RBMS1: variants seen among roughly 807,000 people sequenced by gnomAD.
The protein encoded by RBMS1 is RNA-binding motif, single-stranded-interacting protein 1.
RBMS1 carries 17 observed loss-of-function variants against 62.3 expected under a neutral mutation model. The ratio of observed to expected loss-of-function variants is 0.27; its 90% CI spans 0.19 to 0.41. The LOEUF (loss-of-function observed/expected upper bound fraction) is 0.41, where lower values mean the gene tolerates loss of function less well. RBMS1 is among the 10% of genes least tolerant of loss of function. RBMS1 has a pLI of 1.00. For missense variants in RBMS1, 334 were observed against 504.5 expected (o/e 0.66, Z 3.24); for synonymous variants, 172 against 170.0 (o/e 1.01, Z -0.09).
intron 6 of RBMS1, among the ~76,000 whole-genome samples, chr2:160,297,268 C>T (rs1688986327): frequency 6.6e-6 from 1 of 152,106 alleles, no homozygotes; most frequent in Non-Finnish European, 1.5e-5. Context: ...TTCATTACCT[C>T]CCCCTCAAAG....
chr2:160,300,812 T>C, intron 5 of RBMS1, 82 bp from the exon 6 acceptor site: 1 of 1,350,268 alleles, frequency 7.4e-7, no homozygotes, highest in Non-Finnish European at 9.7e-7. Flanking sequence ...TAAACATTCT[T>C]ATAGGTTTTT....
intron 1 of RBMS1, among the ~76,000 whole-genome samples, chr2:160,466,196 C>T (rs1684683549): frequency 6.6e-6 from 1 of 151,864 alleles, no homozygotes; most frequent in African/African-American, 2.4e-5. Flanking sequence ...TTATATGGTA[C>T]TGATATATTC....
At chr2:160,321,826 C>T (rs931442961) in intron 2 of RBMS1, among the ~76,000 whole-genome samples, 4 of 152,154 alleles carry the variant, frequency 2.6e-5, no homozygotes, top group East Asian at 1.9e-4. Flanking sequence ...TACTTTCTCC[C>T]TTCACTGTTC....
chr2:160,337,814 T>C (rs1238702488), intron 2 of RBMS1, among the ~76,000 whole-genome samples: 1 of 152,180 alleles, frequency 6.6e-6, no homozygotes, highest in Admixed American at 6.5e-5. Context: ...GGGAAGCCAC[T>C]AGCTCTTAGG....
intron 1 of RBMS1, among the ~76,000 whole-genome samples, chr2:160,483,433 A>G (rs1360254484): frequency 1.3e-5 from 2 of 152,220 alleles, no homozygotes; most frequent in Non-Finnish European, 2.9e-5. Context: ...CATCATGTCT[A>G]TGGTTCCATA....
At chr2:160,318,010 G>A (rs1003409453) in intron 3 of RBMS1, among the ~76,000 whole-genome samples, 159 bp downstream of exon 3, 1 of 152,134 alleles carries the variant, frequency 6.6e-6, no homozygotes, top group African/African-American at 2.4e-5. Flanking sequence ...AGGGACAAAT[G>A]TAAGTAATAT....
At chr2:160,315,206 T>C (rs1318790736) in intron 3 of RBMS1, among the ~76,000 whole-genome samples, 7 of 152,204 alleles carry the variant, frequency 4.6e-5, no homozygotes, top group Non-Finnish European at 4.4e-5. Flanking sequence ...CCTTTCCCAA[T>C]GCCTACCACA....
chr2:160,324,899 TATATATATACAC>T (rs1391292809), intron 2 of RBMS1, among the ~76,000 whole-genome samples: 24 of 120,750 alleles, frequency 2.0e-4, no homozygotes, highest in African/African-American at 6.7e-4. Flanking sequence ...TATATATATA[TATATATATACAC>T]ACACACACAC....
At chr2:160,447,268 G>A (rs1259276863) in intron 1 of RBMS1, among the ~76,000 whole-genome samples, 1 of 152,252 alleles carries the variant, frequency 6.6e-6, no homozygotes, top group East Asian at 1.9e-4. Flanking sequence ...ATGAAGGCTT[G>A]TATAGGAGAT....
At chr2:160,441,825 G>A (rs549107510) in intron 1 of RBMS1, among the ~76,000 whole-genome samples, 57 of 152,318 alleles carry the variant, frequency 3.7e-4, no homozygotes, top group Non-Finnish European at 6.8e-4. Context: ...AACAGTAGGT[G>A]TTGGCCGTCT....
intron 6 of RBMS1, among the ~76,000 whole-genome samples, chr2:160,295,823 C>G (rs1688906659): frequency 6.6e-6 from 1 of 152,216 alleles, no homozygotes; most frequent in African/African-American, 2.4e-5. Flanking sequence ...ATTTAGCAAA[C>G]CATTCCTTCA....
chr2:160,365,788 T>C (rs7579523), intron 2 of RBMS1, among the ~76,000 whole-genome samples: 1,711 of 152,330 alleles, frequency 0.011, 39 homozygotes, highest in African/African-American at 0.037. Flanking sequence ...TATCTACCTG[T>C]AATTACGCTG....
At position 160,277,382 on chromosome 2, in the gene RBMS1, T is replaced by A. The variant is rs1449695331; in HGVS notation, c.1064A>T (p.Tyr355Phe). ...SHLSLGSTGT[Y>F]MPATSAMQGA... Reference sequence around the variant, plus strand: ...TTGCATAGCTGACGTTGCAGGCATGTACTAGAAAGAAGAATGAGGTCAGAA... The same window carrying A: ...TTGCATAGCTGACGTTGCAGGCATGAACTAGAAAGAAGAATGAGGTCAGAA... The change falls in exon 12 of 14, where the codon TAC becomes TTC. Residue 355 changes from tyrosine to phenylalanine, a missense_variant and splice_region_variant. Around this residue, in one of 3 missense-constraint regions of RBMS1, gnomAD observed 182 missense variants for 257.7 expected, o/e 0.71. Coordinates refer to ENST00000348849, the MANE Select transcript of RBMS1 (RefSeq NM_016836.4). 1 of 1,610,876 alleles carries A rather than the reference T, an allele frequency of 6.2e-7. No homozygotes were observed. The highest frequency in any genetic ancestry group is 8.5e-7 in the Non-Finnish European group (1 of 1,177,116).
At chr2:160,332,760 T>C (rs1439183084) in intron 2 of RBMS1, among the ~76,000 whole-genome samples, 1 of 151,996 alleles carries the variant, frequency 6.6e-6, no homozygotes, top group African/African-American at 2.4e-5. Context: ...GAGATCCTAG[T>C]GATACTAGAA....
chr2:160,342,760 T>C, intron 2 of RBMS1, among the ~76,000 whole-genome samples: 1 of 47,966 alleles, frequency 2.1e-5, no homozygotes, highest in South Asian at 6.4e-4. Flanking sequence ...CTACTAAAAA[T>C]ACAAAATACA....
At chr2:160,489,754 ACTT>A (rs139302185) in intron 1 of RBMS1, among the ~76,000 whole-genome samples, 194 of 152,242 alleles carry the variant, frequency 1.3e-3, no homozygotes, top group African/African-American at 4.6e-3. Flanking sequence ...GGAAAACAAT[ACTT>A]CTTCATACAC....
At chr2:160,285,834 G>A (rs764571547) in intron 7 of RBMS1, among the ~76,000 whole-genome samples, 4 of 151,844 alleles carry the variant, frequency 2.6e-5, no homozygotes, top group Non-Finnish European at 5.9e-5. Context: ...AAATTAGGCC[G>A]AGCACGATGG....
chr2:160,476,175 T>C (rs1685119209), intron 1 of RBMS1, among the ~76,000 whole-genome samples: 1 of 152,090 alleles, frequency 6.6e-6, no homozygotes, highest in Non-Finnish European at 1.5e-5. Context: ...CCCTTTTCTA[T>C]ACACATTATA....
At chr2:160,286,364 G>C (rs1688397386) in intron 7 of RBMS1, among the ~76,000 whole-genome samples, 3 of 144,056 alleles carry the variant, frequency 2.1e-5, no homozygotes, top group African/African-American at 7.8e-5. Context: ...CTGTTGCCCA[G>C]GCTGGAGTGC....
Sources: gnomAD v4.1 joint callset for allele counts (sites outside exome capture counted in the v4.1 genomes callset) on GRCh38, gnomAD v4.1.1 for gene constraint, gnomAD v4.1.1 regional missense constraint, MANE v1.5 for transcripts, NCBI Gene and HGNC (gene_info 2026-07-23, HGNC 2026-07-21) for gene names.